The following LNX2 variants were observed in gnomAD, a reference collection of about 807,000 sequenced individuals.
LNX2 encodes the protein ligand of Numb protein X 2.
Under a neutral mutation model 66.2 loss-of-function variants are expected in LNX2, and 35 were observed. The ratio of observed to expected loss-of-function variants is 0.53; its 90% confidence interval spans 0.40 to 0.70. The LOEUF is 0.70. Among genes scored for constraint, LNX2 ranks in the 30% least tolerant of loss-of-function variants. The probability of loss-of-function intolerance (pLI) is 0.00; values close to 1 mark genes in which losing one functional copy is unlikely to be tolerated. For synonymous variants in LNX2, 337 were observed against 315.6 expected (o/e 1.07, Z -0.72); for missense variants, 791 against 850.8 (o/e 0.93, Z 0.87).
chr13:27,601,529 G>C (rs1955658327), intron 1 of LNX2, among the ~76,000 whole-genome samples: 1 of 152,108 alleles, frequency 6.6e-6, no homozygotes, highest in South Asian at 2.1e-4. Flanking sequence ...CTATGATTTG[G>C]TGTAATTAAC....
At chr13:27,561,540 A>T (rs1215200286) in intron 5 of LNX2, among the ~76,000 whole-genome samples, 1 of 152,246 alleles carries the variant, frequency 6.6e-6, no homozygotes, top group African/African-American at 2.4e-5. Context: ...AATTAGACCA[A>T]TATCAGAATC....
intron 1 of LNX2, among the ~76,000 whole-genome samples, chr13:27,585,921 A>C (rs543329815): frequency 5.8e-4 from 88 of 151,172 alleles, no homozygotes; most frequent in African/African-American, 1.8e-3. Context: ...ACTTTTCATG[A>C]AGAAAATTAA....
chr13:27,587,293 C>T (rs79961327), intron 1 of LNX2, among the ~76,000 whole-genome samples: 8 of 152,144 alleles, frequency 5.3e-5, no homozygotes, highest in African/African-American at 1.2e-4. Flanking sequence ...GCGCTCCCCC[C>T]CTTCCCTTCT....
intron 1 of LNX2, among the ~76,000 whole-genome samples, chr13:27,615,642 A>G (rs570390873): frequency 3.3e-5 from 5 of 152,280 alleles, no homozygotes; most frequent in African/African-American, 1.2e-4. Context: ...TCAACTCATC[A>G]GCATACAAAG....
chr13:27,584,129 G>A (rs1419509024), intron 1 of LNX2, among the ~76,000 whole-genome samples: 1 of 152,216 alleles, frequency 6.6e-6, no homozygotes, highest in Non-Finnish European at 1.5e-5. Context: ...TAGCGTGCCT[G>A]CCACAAGAAC....
At chr13:27,614,029 A>G (rs1177049845) in intron 1 of LNX2, among the ~76,000 whole-genome samples, 1 of 152,210 alleles carries the variant, frequency 6.6e-6, no homozygotes, top group African/African-American at 2.4e-5. Flanking sequence ...AGCAGTGGGG[A>G]GATTTTAGCC....
chr13:27,587,181 A>G (rs1412028864), intron 1 of LNX2, among the ~76,000 whole-genome samples: 3 of 152,176 alleles, frequency 2.0e-5, no homozygotes, highest in Admixed American at 6.5e-5. Context: ...CCCTTAACTC[A>G]TCGGTACCAG....
intron 1 of LNX2, among the ~76,000 whole-genome samples, chr13:27,614,764 G>A (rs978401285): frequency 2.0e-5 from 3 of 152,188 alleles, no homozygotes. Flanking sequence ...TGGTCTAAAT[G>A]ATAAGGGTTC....
intron 1 of LNX2, among the ~76,000 whole-genome samples, chr13:27,605,970 T>C (rs1293539355): frequency 6.6e-6 from 1 of 151,892 alleles, no homozygotes. Flanking sequence ...AAAGACCACC[T>C]CTCCCACACC....
At chr13:27,600,640 G>A (rs192968229) in intron 1 of LNX2, among the ~76,000 whole-genome samples, 4 of 152,120 alleles carry the variant, frequency 2.6e-5, no homozygotes, top group South Asian at 2.1e-4. Context: ...TTACTGACTC[G>A]GGGCTTTCTC....
At chr13:27,618,371 G>C (rs1033999834) in intron 1 of LNX2, among the ~76,000 whole-genome samples, 2 of 152,256 alleles carry the variant, frequency 1.3e-5, no homozygotes, top group East Asian at 1.9e-4. Context: ...GAACAAAGAG[G>C]TTTCAGTGTA....
At chr13:27,559,475 T>A (rs1955102318) in intron 6 of LNX2, among the ~76,000 whole-genome samples, 1 of 152,190 alleles carries the variant, frequency 6.6e-6, no homozygotes, top group Non-Finnish European at 1.5e-5. Flanking sequence ...TGTCTTATGT[T>A]TTTTCATCAA....
At chr13:27,551,119 C>CT (rs1226331273) in intron 8 of LNX2, among the ~76,000 whole-genome samples, 6 of 151,350 alleles carry the variant, frequency 4.0e-5, no homozygotes, top group Admixed American at 1.3e-4. Context: ...AAATCTTTTT[C>CT]TTTTTTTTTC....
intron 5 of LNX2, among the ~76,000 whole-genome samples, chr13:27,561,501 T>A (rs542313714): frequency 6.6e-6 from 1 of 152,316 alleles, no homozygotes; most frequent in Admixed American, 6.5e-5. Context: ...TTTTAAGGCA[T>A]CCAATTTCTT....
At position 27,550,330 on chromosome 13, in the gene LNX2, C is replaced by T. The variant is rs150601654; in HGVS notation, c.1937+3G>A. On this transcript the variant is annotated splice_donor_region_variant and intron_variant, in intron 9 of 9. Coordinates refer to ENST00000316334, the MANE Select transcript of LNX2 (RefSeq NM_153371.4). Reference sequence around the variant, plus strand: ...TCACATCATTAATTAGAACAAGACTCACTTTAATCTTCCATCATAATAAGC... The same window carrying T: ...TCACATCATTAATTAGAACAAGACTTACTTTAATCTTCCATCATAATAAGC... 42 of 1,611,814 alleles carry T rather than the reference C, an allele frequency of 2.6e-5. No individual in the cohort carries two copies. The Middle Eastern group carries it at 5.0e-4, about 19-fold the overall frequency.
At chr13:27,551,343 G>T (rs1174789612) in intron 8 of LNX2, among the ~76,000 whole-genome samples, 2 of 151,854 alleles carry the variant, frequency 1.3e-5, no homozygotes, top group African/African-American at 4.8e-5. Flanking sequence ...CATAGACACT[G>T]AGAAACTACA....
chr13:27,554,715 T>G (rs1016993784), intron 7 of LNX2, among the ~76,000 whole-genome samples: 1 of 152,210 alleles, frequency 6.6e-6, no homozygotes, highest in Non-Finnish European at 1.5e-5. Context: ...AGTTTTCGTA[T>G]GAACAGCTGT....
chr13:27,569,551 C>A (rs748799042), intron 2 of LNX2, among the ~76,000 whole-genome samples: 5 of 152,166 alleles, frequency 3.3e-5, no homozygotes, highest in Non-Finnish European at 7.3e-5. Flanking sequence ...ATACTTGTCA[C>A]CAGAAAACAC....
chr13:27,616,169 G>A (rs1346069700), intron 1 of LNX2, among the ~76,000 whole-genome samples: 3 of 138,534 alleles, frequency 2.2e-5, no homozygotes, highest in South Asian at 2.3e-4. Flanking sequence ...GCAGGGGGTC[G>A]GGGGTGGGGT....
Sources: allele counts gnomAD v4.1 joint callset (sites outside exome capture counted in the v4.1 genomes callset), GRCh38; gene constraint gnomAD v4.1.1; transcripts MANE v1.5; gene names NCBI Gene and HGNC (gene_info 2026-07-23, HGNC 2026-07-21).